The following VOPP1 variants were observed in gnomAD, a reference collection of about 807,000 sequenced individuals.
The protein encoded by VOPP1 is WW domain binding protein VOPP1.
Under a neutral mutation model 23.5 loss-of-function variants are expected in VOPP1, and 8 were observed. The ratio of observed to expected loss-of-function variants is 0.34; its 90% CI spans 0.20 to 0.61. The LOEUF is 0.61. VOPP1 is among the 20% of genes least tolerant of loss of function. VOPP1 has a pLI of 0.78. For missense variants in VOPP1, 174 were observed against 238.1 expected (o/e 0.73, Z 1.77); for synonymous variants, 83 against 97.3 (o/e 0.85, Z 0.86).
chr7:55,467,368 G>A (rs781227985), downstream of VOPP1, among the ~76,000 whole-genome samples: 3 of 152,182 alleles, frequency 2.0e-5, no homozygotes, highest in Non-Finnish European at 2.9e-5. Context: ...AGCTATTCTC[G>A]CAACAGCCAT....
intron 4 of VOPP1, among the ~76,000 whole-genome samples, chr7:55,473,768 CA>C (rs1468289161): frequency 6.6e-6 from 1 of 152,218 alleles, no homozygotes; most frequent in Non-Finnish European, 1.5e-5. Context: ...AAGAATCAGA[CA>C]AAACCGTGAA....
intron 2 of VOPP1, among the ~76,000 whole-genome samples, chr7:55,499,822 G>C (rs1794242082): frequency 6.6e-6 from 1 of 152,122 alleles, no homozygotes; most frequent in Non-Finnish European, 1.5e-5. Flanking sequence ...GGGTGTGAGG[G>C]GGAGTGAGAC....
At chr7:55,532,547 G>C (rs964791668) in intron 1 of VOPP1, among the ~76,000 whole-genome samples, 2 of 152,236 alleles carry the variant, frequency 1.3e-5, no homozygotes, top group African/African-American at 4.8e-5. Context: ...TCTATGGAGA[G>C]TGAGAATATG....
intron 1 of VOPP1, among the ~76,000 whole-genome samples, chr7:55,570,139 T>C (rs1798299790): frequency 6.6e-6 from 1 of 152,152 alleles, no homozygotes; most frequent in Admixed American, 6.5e-5. Flanking sequence ...TGCACATCCA[T>C]GTATGTGATT....
chr7:55,557,237 TCTCCTGA>T (rs1797840535), intron 1 of VOPP1, among the ~76,000 whole-genome samples: 1 of 151,992 alleles, frequency 6.6e-6, no homozygotes, highest in South Asian at 2.1e-4. Context: ...AAAGCCCCAG[TCTCCTGA>T]GCCACAGTCC....
intron 4 of VOPP1, among the ~76,000 whole-genome samples, chr7:55,452,049 T>C (rs1053747220): frequency 9.2e-5 from 14 of 152,320 alleles, no homozygotes; most frequent in African/African-American, 3.1e-4. Context: ...ATTTTACCAA[T>C]AGTAGGACTT....
chr7:55,439,176 G>A (rs373870152), intron 4 of VOPP1, among the ~76,000 whole-genome samples: 13 of 152,256 alleles, frequency 8.5e-5, no homozygotes, highest in African/African-American at 2.6e-4. Context: ...AAGGTTACCA[G>A]GGAAGTGAGG....
chr7:55,537,169 G>A (rs76284517), intron 1 of VOPP1, among the ~76,000 whole-genome samples: 5,662 of 152,166 alleles, frequency 0.037, 136 homozygotes, highest in Middle Eastern at 0.058. Context: ...CCTCCGTCCC[G>A]GCAGCACTGA....
At chr7:55,537,378 A>G (rs893523635) in intron 1 of VOPP1, 3 of 1,363,498 alleles carry the variant, frequency 2.2e-6, no homozygotes, top group African/African-American at 1.4e-5. Flanking sequence ...CAGACCACTG[A>G]TTTCGTGCTC....
chr7:55,476,441 C>CGGGGGGGGGGGGG (rs1481944079), intron 4 of VOPP1, among the ~76,000 whole-genome samples: 4 of 83,200 alleles, frequency 4.8e-5, no homozygotes, highest in Non-Finnish European at 6.9e-5. Flanking sequence ...GGGGGGTGGG[C>CGGGGGGGGGGGGG]GGGGGGGCTG....
intron 1 of VOPP1, chr7:55,537,459 G>A (rs1796865393): frequency 6.5e-7 from 1 of 1,535,634 alleles, no homozygotes; most frequent in African/African-American, 1.4e-5. Context: ...CAAACTCTGG[G>A]CCAGGCTTCA....
At chr7:55,479,232 G>A (rs1169952410) in intron 4 of VOPP1, among the ~76,000 whole-genome samples, 1 of 151,362 alleles carries the variant, frequency 6.6e-6, no homozygotes, top group Non-Finnish European at 1.5e-5. Context: ...GTATACGTGT[G>A]CCATGCTGGT....
intron 1 of VOPP1, chr7:55,538,804 G>T: frequency 2.8e-6 from 1 of 352,284 alleles, no homozygotes; most frequent in Non-Finnish European, 4.9e-6. Flanking sequence ...ACATCTCCAA[G>T]CAACATTTCT....
At chr7:55,569,616 A>G (rs558477662) in intron 1 of VOPP1, among the ~76,000 whole-genome samples, 1 of 152,342 alleles carries the variant, frequency 6.6e-6, no homozygotes, top group East Asian at 1.9e-4. Flanking sequence ...AGTAATTGCT[A>G]GCAGGATTAA....
At chr7:55,527,204 T>C (rs1796240206) in intron 1 of VOPP1, among the ~76,000 whole-genome samples, 1 of 152,214 alleles carries the variant, frequency 6.6e-6, no homozygotes, top group African/African-American at 2.4e-5. Flanking sequence ...TGTACTGGAA[T>C]TTCAATCAGT....
intron 4 of VOPP1, among the ~76,000 whole-genome samples, chr7:55,476,814 C>T (rs1792293182): frequency 6.6e-6 from 1 of 152,174 alleles, no homozygotes; most frequent in South Asian, 2.1e-4. Context: ...GCAGGCTTGG[C>T]CCTACATTCC....
chr7:55,537,599 G>T, intron 1 of VOPP1: 1 of 1,535,772 alleles, frequency 6.5e-7, no homozygotes, highest in Non-Finnish European at 8.7e-7. Flanking sequence ...TCACTGCTGG[G>T]TCACACGCAG....
In VOPP1 at chr7:55,570,826, C is replaced by G. The variant is rs1798325154; in HGVS notation, c.54+1445G>C. On this transcript the variant is annotated intron_variant, in intron 1 of 4. Coordinates refer to ENST00000285279, the MANE Select transcript of VOPP1 (RefSeq NM_030796.5). ...GCATAGTGGTGGGCGCCTGTAGTCC[C>G]CGCTACTGGGGAGGCTGAAGCAGGA... 5.3e-5 allele frequency among the ~76,000 whole-genome samples: 8 copies of G among 151,944 alleles called. No homozygotes were observed. In the South Asian group the frequency reaches 1.7e-3, roughly 32 times the overall value.
At chr7:55,439,361 C>T (rs939787475) in intron 4 of VOPP1, among the ~76,000 whole-genome samples, 2 of 152,110 alleles carry the variant, frequency 1.3e-5, no homozygotes, top group Admixed American at 1.3e-4. Context: ...AAAAGCCAAG[C>T]ACTGGTCATT....
Sources: allele counts gnomAD v4.1 joint callset (sites outside exome capture counted in the v4.1 genomes callset), GRCh38; gene constraint gnomAD v4.1.1; transcripts MANE v1.5; gene names NCBI Gene and HGNC (gene_info 2026-07-23, HGNC 2026-07-21).